The following PCDH11Y variants were observed in gnomAD, a reference collection of about 807,000 sequenced individuals.
PCDH11Y encodes protocadherin-11 Y-linked.
For synonymous variants in PCDH11Y, 9 were observed against 83.6 expected, an observed-to-expected ratio of 0.11 and a Z score of 4.87; for missense variants, 12 against 224.8, an observed-to-expected ratio of 0.05 and a Z score of 6.05.
intron 2 of PCDH11Y, among the ~76,000 whole-genome samples, chrY:5,410,229 G>C (rs2053245374): frequency 9.6e-4 from 31 of 32,173 alleles, no homozygotes; most frequent in African/African-American, 3.3e-3. Flanking sequence ...AAATTAGCTG[G>C]GCATGGTGGC....
chrY:5,729,473 GT>G, intron 4 of PCDH11Y, among the ~76,000 whole-genome samples: 1 of 32,061 alleles, frequency 3.1e-5, no homozygotes, highest in East Asian at 8.2e-4. Flanking sequence ...GGAGGCTTTT[GT>G]TTTTTGCTTG....
At chrY:5,420,905 A>T (rs2053257038) in intron 2 of PCDH11Y, among the ~76,000 whole-genome samples, 2 of 26,722 alleles carry the variant, frequency 7.5e-5, no homozygotes, top group African/African-American at 1.5e-4. Flanking sequence ...AATAATAATT[A>T]AAAAAAAAAA....
chrY:5,269,189 TTTG>T (rs2053031600), intron 2 of PCDH11Y, among the ~76,000 whole-genome samples: 1 of 20,035 alleles, frequency 5.0e-5, no homozygotes, highest in Non-Finnish European at 1.2e-4. Context: ...CATGGGGTTT[TTTG>T]TTGTTGTTCT....
chrY:5,171,274 CA>C (rs2052886305), intron 2 of PCDH11Y, among the ~76,000 whole-genome samples: 1 of 30,899 alleles, frequency 3.2e-5, no homozygotes, highest in African/African-American at 1.3e-4. Flanking sequence ...TGCCTTAAAC[CA>C]TATTCTCTTT....
intron 3 of PCDH11Y, among the ~76,000 whole-genome samples, chrY:5,537,508 C>T: frequency 3.1e-5 from 1 of 32,513 alleles, no homozygotes. Context: ...TAGGTTATAT[C>T]ATAGTTCAGG....
At chrY:5,547,361 T>C (rs2053414223) in intron 3 of PCDH11Y, among the ~76,000 whole-genome samples, 1 of 32,606 alleles carries the variant, frequency 3.1e-5, no homozygotes, top group Non-Finnish European at 7.6e-5. Flanking sequence ...TTTACCCATA[T>C]GCTGTTTAAC....
intron 2 of PCDH11Y, among the ~76,000 whole-genome samples, chrY:5,147,629 T>C: frequency 3.0e-5 from 1 of 32,947 alleles, no homozygotes; most frequent in Admixed American, 2.8e-4. Context: ...CCTGTGAATA[T>C]GATGCCTTAG....
At chrY:5,421,672 A>G in intron 2 of PCDH11Y, among the ~76,000 whole-genome samples, 1 of 30,661 alleles carries the variant, frequency 3.3e-5, no homozygotes, top group Admixed American at 3.1e-4. Context: ...AATGTACAAA[A>G]AACACTTTCA....
At chrY:5,200,624 T>C in intron 2 of PCDH11Y, among the ~76,000 whole-genome samples, 1 of 33,151 alleles carries the variant, frequency 3.0e-5, no homozygotes, top group Non-Finnish European at 7.4e-5. Flanking sequence ...TCCCACTCTG[T>C]CGCCCAGGCT....
intron 4 of PCDH11Y, among the ~76,000 whole-genome samples, chrY:5,606,172 A>AT (rs2053478556): frequency 5.2e-4 from 15 of 28,948 alleles, no homozygotes; most frequent in Admixed American, 2.9e-3. Flanking sequence ...TTTATTTTTT[A>AT]TTTTTTTTTA....
At chrY:5,617,597 T>G in intron 4 of PCDH11Y, among the ~76,000 whole-genome samples, 1 of 32,462 alleles carries the variant, frequency 3.1e-5, no homozygotes, top group South Asian at 6.9e-4. Flanking sequence ...TACTCACTCT[T>G]AACAGACACC....
At chrY:5,233,687 C>T (rs2052970981) in intron 2 of PCDH11Y, among the ~76,000 whole-genome samples, 14 of 32,517 alleles carry the variant, frequency 4.3e-4, no homozygotes, top group Middle Eastern at 0.015. Context: ...AATTTATTCC[C>T]ATTATTAAGA....
chrY:5,443,267 C>A (rs2053284148), intron 2 of PCDH11Y, among the ~76,000 whole-genome samples: 1 of 32,813 alleles, frequency 3.0e-5, no homozygotes, highest in Non-Finnish European at 7.6e-5. Context: ...GTTTAACATT[C>A]AAAAATCTAT....
At position 5,454,114 on chromosome Y, in the gene PCDH11Y, T is replaced by C. The variant is rs1282937969; in HGVS notation, c.3130-46943T>C. ...TAGAAAATCAAGCAAGTTATTTACTTCCAAAATACAATGGAAAAACCAGCA... is the reference window on the plus strand; with the variant it reads ...TAGAAAATCAAGCAAGTTATTTACTCCCAAAATACAATGGAAAAACCAGCA... On this transcript the variant is annotated intron_variant, in intron 2 of 4. Coordinates refer to the PCDH11Y transcript ENST00000400457. Among the ~76,000 whole-genome samples, 6 of 33,645 alleles carry C rather than the reference T, an allele frequency of 1.8e-4. No homozygotes were observed. In the East Asian group the frequency reaches 4.8e-3, roughly 27 times the overall value. The allele number at this position is 33,645 out of a possible 37,273, so 90.3% of individuals were successfully genotyped here.
chrY:5,032,680 T>C, exon 3 of PCDH11Y: 1 of 394,532 alleles, frequency 2.5e-6, no homozygotes. Context: ...CTGATTGCAG[T>C]GCACTATGAG....
chrY:5,008,690 A>G (rs2052543071), intron 1 of PCDH11Y, among the ~76,000 whole-genome samples: 2 of 32,195 alleles, frequency 6.2e-5, no homozygotes, highest in African/African-American at 2.4e-4. Flanking sequence ...CTCTGCACGT[A>G]TTATCAATTT....
intron 3 of PCDH11Y, among the ~76,000 whole-genome samples, chrY:5,562,978 A>G (rs2053430778): frequency 3.1e-5 from 1 of 32,500 alleles, no homozygotes; most frequent in Non-Finnish European, 7.5e-5. Context: ...TTAAAGTTAA[A>G]GTGAACATTT....
chrY:5,595,013 C>T, intron 4 of PCDH11Y, among the ~76,000 whole-genome samples: 2 of 26,393 alleles, frequency 7.6e-5, no homozygotes, highest in Non-Finnish European at 1.8e-4. Flanking sequence ...TGGTTTCCTA[C>T]TGCTGGGATT....
At chrY:5,414,818 C>T in intron 2 of PCDH11Y, among the ~76,000 whole-genome samples, 2 of 32,870 alleles carry the variant, frequency 6.1e-5, no homozygotes, top group Non-Finnish European at 1.5e-4. Flanking sequence ...GGCTGGAATG[C>T]AATGACACGA....
Sources: allele counts gnomAD v4.1 joint callset (sites outside exome capture counted in the v4.1 genomes callset), GRCh38; gene constraint gnomAD v4.1.1; transcripts MANE v1.5; gene names NCBI Gene and HGNC (gene_info 2026-07-23, HGNC 2026-07-21).